Variants in EBF3 observed in about 807,000 individuals in gnomAD.
EBF3 encodes the protein EBF transcription factor 3, also known as transcription factor COE3.
A neutral mutation model predicts 77.1 loss-of-function variants in EBF3; 18 were observed. The ratio of observed to expected loss-of-function variants is 0.23; its 90% CI spans 0.16 to 0.35. The LOEUF is 0.35. Among genes scored for constraint, EBF3 ranks in the 10% least tolerant of loss-of-function variants. The pLI is 1.00. For missense variants in EBF3, 558 were observed against 860.0 expected (o/e 0.65, Z 4.39); for synonymous variants, 350 against 343.5 (o/e 1.02, Z -0.21).
At chr10:129,955,719 T>A (rs1053923969) in intron 6 of EBF3, among the ~76,000 whole-genome samples, 1 of 152,234 alleles carries the variant, frequency 6.6e-6, no homozygotes, top group African/African-American at 2.4e-5. Flanking sequence ...CAAATCAACA[T>A]GGCTACTTCA....
At chr10:129,875,538 C>T (rs556454474) in intron 7 of EBF3, among the ~76,000 whole-genome samples, 1 of 152,352 alleles carries the variant, frequency 6.6e-6, no homozygotes, top group South Asian at 2.1e-4. Context: ...GATGATGATG[C>T]AGCAGGGGCG....
chr10:129,933,133 G>A (rs1443126212), intron 6 of EBF3, among the ~76,000 whole-genome samples: 1 of 152,132 alleles, frequency 6.6e-6, no homozygotes, highest in Non-Finnish European at 1.5e-5. Context: ...GTGGAGGAGG[G>A]TCAGTCCTGA....
intron 6 of EBF3, among the ~76,000 whole-genome samples, chr10:129,925,021 G>C (rs1446376201): frequency 6.6e-6 from 1 of 152,148 alleles, no homozygotes; most frequent in Non-Finnish European, 1.5e-5. Context: ...GCTAAAATGT[G>C]GAAGCCACCC....
At chr10:129,844,269 T>A (rs1325168269) in intron 11 of EBF3, among the ~76,000 whole-genome samples, 2 of 152,276 alleles carry the variant, frequency 1.3e-5, no homozygotes, top group East Asian at 3.9e-4. Context: ...TGTCTACATC[T>A]GGGCACCTCT....
chr10:129,875,763 C>G (rs1386562506), intron 7 of EBF3, among the ~76,000 whole-genome samples: 2 of 152,232 alleles, frequency 1.3e-5, no homozygotes, highest in African/African-American at 2.4e-5. Context: ...CCCTTTGCAG[C>G]CCTGGTGGGA....
chr10:129,867,962 G>A (rs778526440), intron 8 of EBF3, 50 bp from the exon 9 acceptor site: 36 of 1,593,542 alleles, frequency 2.3e-5, no homozygotes, highest in South Asian at 4.4e-5. Flanking sequence ...GTCCTCCTCC[G>A]ACGCTGGGCC....
chr10:129,838,987 A>C, intron 16 of EBF3, 96 bp downstream of exon 16: 1 of 1,174,534 alleles, frequency 8.5e-7, no homozygotes, highest in South Asian at 1.4e-5. Flanking sequence ...GTGCCCGCTG[A>C]TGGCACGCAG....
At position 129,907,341 on chromosome 10, in the gene EBF3, T is replaced by C. The variant is rs191988476; in HGVS notation, c.555-29492A>G. Reference sequence around the variant, plus strand: ...TGCTGATCAAAGTTTTGCACAGGTATCCTGCACTGACTTGGAATGCTCCAG... The same window carrying C: ...TGCTGATCAAAGTTTTGCACAGGTACCCTGCACTGACTTGGAATGCTCCAG... On this transcript the variant is annotated intron_variant, in intron 6 of 16. Transcript: ENST00000440978. Among the ~76,000 whole-genome samples the C allele has an allele frequency of 2.3e-3, 343 of 152,300 alleles. 4 individuals carry two copies. The highest frequency in any genetic ancestry group is 1.7e-3 in the Non-Finnish European group (116 of 68,008).
rs1233045715 is a variant in EBF3 at position 129,938,295 on chromosome 10, T to C, written c.554+18963A>G. On this transcript the variant is annotated intron_variant, in intron 6 of 16. Transcript: ENST00000440978. The surrounding 1 kb of genome is among the most constrained non-coding windows in gnomAD (Gnocchi z 5.1). ...TGGCTCTCATCTATAGTCCCAGCAC[T>C]TTGGAAGGCCAAGGGAGGCAGATCA... Among the ~76,000 whole-genome samples, 2 of 151,632 alleles carry C rather than the reference T, an allele frequency of 1.3e-5. No individual in the cohort carries two copies. The highest frequency in any genetic ancestry group is 2.9e-5 in the Non-Finnish European group (2 of 67,950).
intron 11 of EBF3, among the ~76,000 whole-genome samples, chr10:129,844,293 C>T (rs1850297907): frequency 6.6e-6 from 1 of 152,036 alleles, no homozygotes; most frequent in Admixed American, 6.5e-5. Flanking sequence ...TAACCTGAGA[C>T]CCCAAAGGTG....
intron 6 of EBF3, among the ~76,000 whole-genome samples, chr10:129,887,030 A>C: frequency 1.7e-5 from 1 of 57,668 alleles, no homozygotes; most frequent in East Asian, 5.8e-4. Context: ...AGGCCCGGGG[A>C]AGAGGCTGGG....
At chr10:129,846,128 G>GTGTGTA (rs1409489649) in intron 11 of EBF3, among the ~76,000 whole-genome samples, 1 of 151,168 alleles carries the variant, frequency 6.6e-6, no homozygotes, top group Non-Finnish European at 1.5e-5. Flanking sequence ...GTGTGTGTGT[G>GTGTGTA]TGTGTGTGTG....
Position 129,875,189 on chromosome 10 carries a change from T to TC in EBF3, c.637-1594_637-1593insG, listed in dbSNP as rs1364426105. Among the ~76,000 whole-genome samples the TC allele has an allele frequency of 1.7e-3, 166 of 99,496 alleles. 5 individuals are homozygous for TC. Among genetic ancestry groups the TC allele is most frequent in the African/African-American group, 5.9e-3 (159 of 26,816 alleles). 65.3% of individuals were successfully genotyped at this position (99,496 alleles called of 152,430 possible). A position where few individuals can be genotyped will look rare whatever the true frequency, so the allele number is the denominator to read the frequency against. On this transcript the variant is annotated intron_variant, in intron 7 of 16. Coordinates refer to ENST00000440978, the MANE Select transcript of EBF3 (RefSeq NM_001375380.1). ...ACATGTGCAAGTGATGGCTTCTTCT[T>TC]TTTTTTTTTTTTTTTTTTTTTTTTT... is the stretch of plus-strand genomic sequence containing the variant.
rs550122 is a variant in EBF3, at chr10:129,926,159, G to A, written c.554+31099C>T. Among the ~76,000 whole-genome samples the A allele has an allele frequency of 6.2e-3, 949 of 152,270 alleles. 9 individuals are homozygous for A. The highest frequency in any genetic ancestry group is 0.021 in the African/African-American group (886 of 41,538). ...TCACTGCTTCCCGAGGTGCTGTGTC[G>A]CAGCCATTCATTCATTCATTCATTC... is the stretch of plus-strand genomic sequence containing the variant. On this transcript the variant is annotated intron_variant, in intron 6 of 16. Coordinates refer to ENST00000440978, the MANE Select transcript of EBF3 (RefSeq NM_001375380.1).
intron 6 of EBF3, among the ~76,000 whole-genome samples, chr10:129,883,810 G>A (rs1247242912): frequency 6.6e-6 from 1 of 152,180 alleles, no homozygotes; most frequent in Non-Finnish European, 1.5e-5. Flanking sequence ...TCCTCTTGTG[G>A]GGGTAACGGG....
chr10:129,838,277 C>T (rs920452548), intron 16 of EBF3, among the ~76,000 whole-genome samples: 1 of 152,258 alleles, frequency 6.6e-6, no homozygotes. Context: ...CCACACTGAC[C>T]GGTGCACTGC....
rs979590182 is a variant in EBF3, at chr10:129,870,201, G to T, written c.782-2289C>A. On this transcript the variant is annotated intron_variant, in intron 8 of 16. Transcript: ENST00000440978. This position sits in a 1 kb window ranked among gnomAD's most constrained non-coding sequence, Gnocchi z 4.4. ...CCACAGTGATAGCCATCTTCCTTCT[G>T]CCTGTATTTGCATACATTTCAGTGC... is the stretch of plus-strand genomic sequence containing the variant. Among the ~76,000 whole-genome samples, 16 of 152,126 alleles carry T rather than the reference G, an allele frequency of 1.1e-4. No homozygotes were observed. The highest frequency in any genetic ancestry group is 3.9e-4 in the African/African-American group (16 of 41,420).
intron 6 of EBF3, among the ~76,000 whole-genome samples, chr10:129,915,758 G>A (rs900748154): frequency 5.9e-5 from 9 of 152,158 alleles, no homozygotes; most frequent in South Asian, 2.1e-4. Context: ...GCCCGATGCC[G>A]GCTTGTGCTT....
rs77742725 is a variant in EBF3 at position 129,957,881 on chromosome 10, T to C, written c.486-555A>G. Among the ~76,000 whole-genome samples, 60 of 152,382 alleles carry C rather than the reference T, an allele frequency of 3.9e-4. 1 individual carries two copies. In the East Asian group the frequency reaches 4.4e-3, roughly 11 times the overall value. ...TAAAGCAGAAATGAAACAAAAATGTTATGCTTCTTGCATTTTAAAAAAGCA... is the reference window on the plus strand; with the variant it reads ...TAAAGCAGAAATGAAACAAAAATGTCATGCTTCTTGCATTTTAAAAAAGCA... On this transcript the variant is annotated intron_variant, in intron 5 of 16. Transcript: ENST00000440978.
Sources: gnomAD v4.1 joint callset for allele counts (sites outside exome capture counted in the v4.1 genomes callset) on GRCh38, gnomAD v4.1.1 for gene constraint, Gnocchi (gnomAD v3.1) non-coding constraint, MANE v1.5 for transcripts, NCBI Gene and HGNC (gene_info 2026-07-23, HGNC 2026-07-21) for gene names.